Variants in CLIC2 observed in about 807,000 individuals in gnomAD.
The protein encoded by CLIC2 is CLIC family member 2.
A neutral mutation model predicts 14.8 loss-of-function variants in CLIC2; 9 were observed. That is an observed-to-expected ratio of 0.61 (90% CI 0.37 to 1.06). The LOEUF is 1.06. CLIC2 is among the 50% of genes least tolerant of loss of function. CLIC2 has a pLI of 0.01. For missense variants in CLIC2, 148 were observed against 181.4 expected (o/e 0.82, Z 1.06); for synonymous variants, 61 against 66.3 (o/e 0.92, Z 0.39).
At chrX:155,288,741 T>C (rs1301012745) in intron 3 of CLIC2, among the ~76,000 whole-genome samples, 2 of 112,256 alleles carry the variant, frequency 1.8e-5, no homozygotes, top group African/African-American at 6.5e-5. Flanking sequence ...ACAAATACTC[T>C]AAATTCTATA....
intron 1 of CLIC2, among the ~76,000 whole-genome samples, chrX:155,325,589 G>A (rs962323754): frequency 2.8e-5 from 3 of 106,015 alleles, no homozygotes; most frequent in African/African-American, 6.8e-5. Context: ...AGCCAGTTGC[G>A]GAGTGGGGGG....
intron 1 of CLIC2, among the ~76,000 whole-genome samples, chrX:155,314,832 C>G: frequency 9.0e-6 from 1 of 111,012 alleles, no homozygotes; most frequent in East Asian, 2.8e-4. Context: ...AAACATGATA[C>G]AGGATATGAA....
intron 3 of CLIC2, chrX:155,291,477 T>C: frequency 2.6e-6 from 1 of 388,924 alleles, no homozygotes. Flanking sequence ...ATAGTTTGAC[T>C]TTCTATGTTC....
At chrX:155,323,710 C>T (rs1011853977) in intron 1 of CLIC2, among the ~76,000 whole-genome samples, 5 of 111,646 alleles carry the variant, frequency 4.5e-5, no homozygotes, top group Non-Finnish European at 9.4e-5. Context: ...AGAAATAAAG[C>T]ATATACAAAT....
At chrX:155,299,266 C>T (rs2075006099) in intron 1 of CLIC2, 121 bp from the exon 2 acceptor site, 2 of 536,084 alleles carry the variant, frequency 3.7e-6, no homozygotes, top group East Asian at 3.6e-5. Context: ...TCATGTACTC[C>T]ATCATCTATG....
At chrX:155,302,288 T>C (rs1486979198) in intron 1 of CLIC2, among the ~76,000 whole-genome samples, 6 of 107,407 alleles carry the variant, frequency 5.6e-5, no homozygotes, top group South Asian at 8.4e-4. Flanking sequence ...AGATTCAACT[T>C]CTTCCTGGTT....
Position 155,294,081 on chromosome X carries a change from C to T in CLIC2, c.293+4704G>A, listed in dbSNP as rs782127402. Among the ~76,000 whole-genome samples, 5 of 112,099 alleles carry T rather than the reference C, an allele frequency of 4.5e-5. No individual in the cohort carries two copies. The South Asian group carries it at 1.5e-3, about 33-fold the overall frequency. On this transcript the variant is annotated intron_variant, in intron 3 of 5. Coordinates refer to ENST00000369449, the MANE Select transcript of CLIC2 (RefSeq NM_001289.6). Reference sequence around the variant, plus strand: ...ATGAACCAAACAGACATTTACAGAACATTCTATCCAACAACTACAGAATAT... The same window carrying T: ...ATGAACCAAACAGACATTTACAGAATATTCTATCCAACAACTACAGAATAT...
intron 1 of CLIC2, among the ~76,000 whole-genome samples, chrX:155,304,667 G>C (rs1465802656): frequency 4.9e-5 from 5 of 102,842 alleles, no homozygotes; most frequent in African/African-American, 1.8e-4. Flanking sequence ...CTGCTTTTTA[G>C]AGTTTCCAGT....
chrX:155,333,003 C>T (rs781970039), intron 1 of CLIC2, among the ~76,000 whole-genome samples: 80 of 112,156 alleles, frequency 7.1e-4, no homozygotes, highest in African/African-American at 2.4e-3. Flanking sequence ...TGCTACAACC[C>T]AGAGATAGAA....
intron 1 of CLIC2, among the ~76,000 whole-genome samples, chrX:155,308,967 A>G (rs1569561349): frequency 3.6e-5 from 4 of 112,184 alleles, no homozygotes; most frequent in Middle Eastern, 4.6e-3. Context: ...TAATCACCAG[A>G]AGGCATAAAA....
At chrX:155,309,151 A>G (rs1188746379) in intron 1 of CLIC2, among the ~76,000 whole-genome samples, 1 of 111,615 alleles carries the variant, frequency 9.0e-6, no homozygotes, top group Non-Finnish European at 1.9e-5. Flanking sequence ...CTAAAAATAT[A>G]AACAATTATC....
chrX:155,293,909 A>C (rs5983691), intron 3 of CLIC2, among the ~76,000 whole-genome samples: 152 of 112,285 alleles, frequency 1.4e-3, no homozygotes, highest in African/African-American at 4.8e-3. Context: ...CAGATTCATA[A>C]AGCAAACATT....
intron 3 of CLIC2, among the ~76,000 whole-genome samples, chrX:155,289,975 T>C (rs1557317426): frequency 8.9e-6 from 1 of 112,138 alleles, no homozygotes; most frequent in Non-Finnish European, 1.9e-5. Flanking sequence ...CTTTAACATA[T>C]TCATTAAGTG....
chrX:155,292,728 C>T (rs10283994), intron 3 of CLIC2: 5 of 413,787 alleles, frequency 1.2e-5, no homozygotes, highest in East Asian at 8.1e-5. Flanking sequence ...CGAGATCGCG[C>T]CACTGCACTC....
chrX:155,319,985 C>T (rs1287831902), intron 1 of CLIC2, among the ~76,000 whole-genome samples: 5 of 112,689 alleles, frequency 4.4e-5, no homozygotes, highest in African/African-American at 9.6e-5. Flanking sequence ...TCGGCAAAGC[C>T]GCTGTAGCCA....
intron 3 of CLIC2, among the ~76,000 whole-genome samples, chrX:155,288,663 A>G (rs2074951678): frequency 9.0e-6 from 1 of 111,537 alleles, no homozygotes; most frequent in Non-Finnish European, 1.9e-5. Context: ...CAAGTGCAAC[A>G]TTATTGTCAA....
chrX:155,305,464 G>A (rs1419258561), intron 1 of CLIC2, among the ~76,000 whole-genome samples: 3 of 111,871 alleles, frequency 2.7e-5, no homozygotes, highest in Non-Finnish European at 5.7e-5. Context: ...ACTGACCTGC[G>A]CCCACTGTCT....
rs1557318637 is a variant in CLIC2, at chrX:155,298,769, C to A, written c.293+16G>T. 18 of 1,208,570 alleles carry A rather than the reference C, an allele frequency of 1.5e-5. No homozygotes were observed. The highest frequency in any genetic ancestry group is 1.5e-5 in the Non-Finnish European group (13 of 893,310). On this transcript the variant is annotated intron_variant, in intron 3 of 5. Transcript: ENST00000369449. Reference sequence around the variant, plus strand: ...TAGATTATCTTCAGCAAAATAGTATCTTGTAAATGCTGTACCTTGGAGGAG... The same window carrying A: ...TAGATTATCTTCAGCAAAATAGTATATTGTAAATGCTGTACCTTGGAGGAG...
rs60334475 is a variant in CLIC2, at chrX:155,325,761, GATATATATATATATATATAT to G, written c.57+8590_57+8609del. On this transcript the variant is annotated intron_variant, in intron 1 of 5. Transcript: ENST00000369449. The stretch of plus-strand genomic sequence containing the variant: ...GAAAGTATAATAAAAAAGAAAATGT[GATATATATATATATATATAT>G]ATATATATATATATATATATATATA... 7.4e-3 allele frequency among the ~76,000 whole-genome samples: 244 copies of G among 32,866 alleles called. 3 individuals carry two copies. Among genetic ancestry groups the G allele is most frequent in the African/African-American group, 0.024 (222 of 9,272 alleles). The allele number at this position is 32,866 out of a possible 115,157, so 28.5% of individuals were successfully genotyped here. A position where few individuals can be genotyped will look rare whatever the true frequency, so the allele number is the denominator to read the frequency against.
Sources: allele counts gnomAD v4.1 joint callset (sites outside exome capture counted in the v4.1 genomes callset), GRCh38; gene constraint gnomAD v4.1.1; transcripts MANE v1.5; gene names NCBI Gene and HGNC (gene_info 2026-07-23, HGNC 2026-07-21).